MORC3: variants seen among roughly 807,000 people sequenced by gnomAD.
The protein encoded by MORC3 is MORC family CW-type zinc finger 3, also known as MORC family CW-type zinc finger protein 3.
MORC3 carries 31 observed loss-of-function variants against 109.1 expected under a neutral mutation model. That is an observed-to-expected ratio of 0.28 (90% CI 0.21 to 0.38). MORC3 has a LOEUF of 0.38. Among genes scored for constraint, MORC3 ranks in the 10% least tolerant of loss-of-function variants. MORC3 has a pLI of 1.00. For synonymous variants in MORC3, 395 were observed against 380.7 expected, an observed-to-expected ratio of 1.04 and a Z score of -0.44; for missense variants, 867 against 1,135.8, an observed-to-expected ratio of 0.76 and a Z score of 3.40.
intron 16 of MORC3, among the ~76,000 whole-genome samples, 163 bp from the exon 17 acceptor site, chr21:36,374,980 A>G (rs1569113009): frequency 6.6e-6 from 1 of 152,162 alleles, no homozygotes; most frequent in East Asian, 1.9e-4. Context: ...CATAAAAGTG[A>G]ATTATTAAAG....
At chr21:36,365,778 C>G (rs2146336297) in intron 14 of MORC3, among the ~76,000 whole-genome samples, 1 of 152,222 alleles carries the variant, frequency 6.6e-6, no homozygotes, top group Non-Finnish European at 1.5e-5. Flanking sequence ...GACAGGTTTT[C>G]ACTGTGTTAG....
chr21:36,330,174 C>T (rs2085299328), intron 1 of MORC3, among the ~76,000 whole-genome samples: 1 of 152,034 alleles, frequency 6.6e-6, no homozygotes, highest in African/African-American at 2.4e-5. Context: ...AGCCACCGCA[C>T]CTGGCCATTC....
intron 9 of MORC3, among the ~76,000 whole-genome samples, chr21:36,350,130 A>G (rs963878075): frequency 1.3e-5 from 2 of 152,108 alleles, no homozygotes; most frequent in South Asian, 2.1e-4. Flanking sequence ...ACATGGCAAA[A>G]TCCTGTCTCT....
chr21:36,339,950 C>T (rs1008160746), intron 5 of MORC3, among the ~76,000 whole-genome samples: 1 of 152,148 alleles, frequency 6.6e-6, no homozygotes, highest in African/African-American at 2.4e-5. Flanking sequence ...GTTAGGTACA[C>T]TTCATTCAGT....
At chr21:36,340,094 C>T (rs1423036548) in intron 5 of MORC3, among the ~76,000 whole-genome samples, 5 of 151,968 alleles carry the variant, frequency 3.3e-5, no homozygotes, top group Non-Finnish European at 2.9e-5. Flanking sequence ...CTGGCTAACA[C>T]GGCGAAACCC....
At chr21:36,360,460 A>AT (rs1276276493) in intron 12 of MORC3, among the ~76,000 whole-genome samples, 1 of 152,224 alleles carries the variant, frequency 6.6e-6, no homozygotes. Context: ...TATTGCTGCC[A>AT]TATGTGCGGA....
Position 36,370,779 on chromosome 21 carries a change from C to T in MORC3, c.2508+903C>T, listed in dbSNP as rs551389712. ...CCACCTCCCGAGTTCAAGCGATTCTCCTGCCTCAGCGTCCCGAGTAGCTGA... is the reference window on the plus strand; with the variant it reads ...CCACCTCCCGAGTTCAAGCGATTCTTCTGCCTCAGCGTCCCGAGTAGCTGA... On this transcript the variant is annotated intron_variant, in intron 15 of 16. Transcript: ENST00000400485. 5.6e-4 allele frequency among the ~76,000 whole-genome samples: 85 copies of T among 150,826 alleles called. 1 individual carries two copies. Among genetic ancestry groups the T allele is most frequent in the African/African-American group, 1.7e-3 (70 of 41,064 alleles).
At chr21:36,361,063 A>G (rs2085708847) in intron 12 of MORC3, among the ~76,000 whole-genome samples, 1 of 142,392 alleles carries the variant, frequency 7.0e-6, no homozygotes, top group Non-Finnish European at 1.5e-5. Flanking sequence ...CAAGAGTGAG[A>G]CTCTATCTTA....
intron 5 of MORC3, chr21:36,339,358 A>G (rs2085411397): frequency 6.5e-6 from 1 of 152,852 alleles, no homozygotes; most frequent in Non-Finnish European, 1.5e-5. Flanking sequence ...ACCTCAGGTG[A>G]TCCACCCGCC....
At chr21:36,364,706 AATTTCTATATAGT>A (rs200895410) in intron 14 of MORC3, among the ~76,000 whole-genome samples, 3,438 of 151,918 alleles carry the variant, frequency 0.023, 58 homozygotes, top group Admixed American at 0.045. Flanking sequence ...CACCTGTTTG[AATTTCTATATAGT>A]ATGACAATTC....
intron 9 of MORC3, among the ~76,000 whole-genome samples, chr21:36,353,333 G>A (rs2085596970): frequency 7.3e-6 from 1 of 136,558 alleles, no homozygotes; most frequent in Admixed American, 7.6e-5. Flanking sequence ...TTCCAGTTTG[G>A]TGACAGAGAG....
chr21:36,321,656 C>T (rs1459175452), intron 1 of MORC3, among the ~76,000 whole-genome samples: 4 of 151,662 alleles, frequency 2.6e-5, no homozygotes, highest in Non-Finnish European at 5.9e-5. Context: ...AAAGTCTGGC[C>T]TTACCTAGTT....
intron 7 of MORC3, 23 bp downstream of exon 7, chr21:36,344,730 T>C (rs1004362678): frequency 1.9e-6 from 3 of 1,611,694 alleles, no homozygotes; most frequent in Admixed American, 1.7e-5. Flanking sequence ...TGATTCCTTA[T>C]AGAGATATGT....
chr21:36,354,323 C>CTTTTTTTTTTTTTTTTTTTTTTTTTTTCT (rs144208712), intron 9 of MORC3, among the ~76,000 whole-genome samples: 1 of 113,654 alleles, frequency 8.8e-6, no homozygotes, highest in African/African-American at 3.4e-5. Context: ...TTCTTTCTTT[C>CTTTTTTTTTTTTTTTTTTTTTTTTTTTCT]TTTTTTTTTT....
intron 2 of MORC3, among the ~76,000 whole-genome samples, chr21:36,336,364 T>A (rs1447745838): frequency 6.6e-6 from 1 of 152,150 alleles, no homozygotes; most frequent in African/African-American, 2.4e-5. Context: ...TGTCTTAGCC[T>A]CTGGATTAGC....
chr21:36,372,549 G>T lies in MORC3; in HGVS notation c.2666+18G>T, dbSNP rs552642113. On this transcript the variant is annotated intron_variant, in intron 16 of 16. Coordinates refer to ENST00000400485, the MANE Select transcript of MORC3 (RefSeq NM_015358.3). ...GGAGAAAGGTAATATTAAATGAGGC[G>T]TTTTTGTGGGGCTGCAATTATGGTT... The T allele has an allele frequency of 1.3e-6, 2 of 1,558,930 alleles. No homozygotes were observed. Among genetic ancestry groups the T allele is most frequent in the Non-Finnish European group, 1.7e-6 (2 of 1,160,434 alleles).
chr21:36,342,801 C>A (rs1010033073), intron 6 of MORC3, among the ~76,000 whole-genome samples: 1 of 151,774 alleles, frequency 6.6e-6, no homozygotes, highest in African/African-American at 2.4e-5. Flanking sequence ...GGTGGATCAC[C>A]TGAGGTCAGG....
intron 1 of MORC3, among the ~76,000 whole-genome samples, chr21:36,325,069 A>G (rs998590171): frequency 3.3e-5 from 5 of 152,212 alleles, no homozygotes; most frequent in African/African-American, 1.2e-4. Context: ...ATACATGAAT[A>G]GAGCTAGTCC....
intron 9 of MORC3, among the ~76,000 whole-genome samples, chr21:36,352,987 G>C (rs919129211): frequency 6.9e-6 from 1 of 144,268 alleles, no homozygotes; most frequent in African/African-American, 2.7e-5. Context: ...AAAAAAAAAA[G>C]AAAACCATCT....
Sources: gnomAD v4.1 joint callset for allele counts (sites outside exome capture counted in the v4.1 genomes callset) on GRCh38, gnomAD v4.1.1 for gene constraint, MANE v1.5 for transcripts, NCBI Gene and HGNC (gene_info 2026-07-23, HGNC 2026-07-21) for gene names.